Variants in NEURL1 observed in about 807,000 individuals in gnomAD.
The protein encoded by NEURL1 is E3 ubiquitin-protein ligase NEURL1.
NEURL1 carries 26 observed loss-of-function variants against 41.2 expected under a neutral mutation model. That is an observed-to-expected ratio of 0.63 (90% confidence interval 0.46 to 0.87). The LOEUF (loss-of-function observed/expected upper bound fraction) is 0.87, where lower values mean the gene tolerates loss of function less well. Ranked by LOEUF, NEURL1 falls within the 40% of genes least tolerant of loss-of-function variation. The probability of loss-of-function intolerance (pLI) is 0.00; values close to 1 mark genes in which losing one functional copy is unlikely to be tolerated. For synonymous variants in NEURL1, 400 were observed against 402.3 expected (o/e 0.99, Z 0.07); for missense variants, 761 against 871.1 (o/e 0.87, Z 1.59).
At position 103,565,726 on chromosome 10, in the gene NEURL1, G is replaced by A. The variant is rs186071546; in HGVS notation, c.86-5146G>A. Reference sequence around the variant, plus strand: ...GGATAGAGTGCAATGGTGCTCTCACGGCTCCCTGCAACTTTCCAGGCTCAA... The same window carrying A: ...GGATAGAGTGCAATGGTGCTCTCACAGCTCCCTGCAACTTTCCAGGCTCAA... On this transcript the variant is annotated intron_variant, in intron 1 of 5. Coordinates refer to ENST00000369780, the MANE Select transcript of NEURL1 (RefSeq NM_004210.5). Among the ~76,000 whole-genome samples the A allele has an allele frequency of 2.0e-3, 310 of 152,246 alleles. 2 individuals carry two copies. The highest frequency in any genetic ancestry group is 7.7e-3 in the South Asian group (37 of 4,822).
chr10:103,548,759 C>T (rs1443387528), intron 1 of NEURL1, among the ~76,000 whole-genome samples: 1 of 152,202 alleles, frequency 6.6e-6, no homozygotes, highest in South Asian at 2.1e-4. Context: ...TGGATGGAGC[C>T]AGGCAGCGGC....
chr10:103,532,499 A>G (rs1202416907), intron 1 of NEURL1, among the ~76,000 whole-genome samples: 2 of 152,004 alleles, frequency 1.3e-5, no homozygotes, highest in African/African-American at 4.8e-5. Context: ...GGGAAAGACT[A>G]TTTCTCCCTA....
intron 1 of NEURL1, among the ~76,000 whole-genome samples, chr10:103,536,270 G>C (rs374291125): frequency 1.3e-5 from 2 of 152,320 alleles, no homozygotes; most frequent in East Asian, 3.9e-4. Flanking sequence ...TTGACCGGGC[G>C]CTGTGGCTCA....
rs1387471506 is a variant in NEURL1 at position 103,556,266 on chromosome 10, C to T, written c.86-14606C>T. Among the ~76,000 whole-genome samples the T allele has an allele frequency of 2.0e-5, 3 of 152,122 alleles. No homozygotes were observed. Among genetic ancestry groups the T allele is most frequent in the South Asian group, 2.1e-4 (1 of 4,826 alleles). ...ACTGTGGTCTTGGGAGCGCCATGGC[C>T]GATGTGGCAGCAGACCCGGAGAAGC... On this transcript the variant is annotated intron_variant, in intron 1 of 5. Transcript: ENST00000369780. This position sits in a 1 kb window ranked among gnomAD's most constrained non-coding sequence, Gnocchi z 4.4.
intron 1 of NEURL1, among the ~76,000 whole-genome samples, chr10:103,518,605 G>A (rs1041075552): frequency 3.9e-5 from 6 of 152,206 alleles, no homozygotes; most frequent in African/African-American, 1.2e-4. Flanking sequence ...ATGAGTTGGG[G>A]GGTCTGGGGA....
chr10:103,536,623 G>A (rs1458488414), intron 1 of NEURL1, among the ~76,000 whole-genome samples: 1 of 151,990 alleles, frequency 6.6e-6, no homozygotes, highest in Non-Finnish European at 1.5e-5. Flanking sequence ...TTTATGATGG[G>A]GAGGAGCACT....
chr10:103,496,591 C>T (rs1191226203), intron 1 of NEURL1, among the ~76,000 whole-genome samples: 2 of 152,080 alleles, frequency 1.3e-5, no homozygotes, highest in East Asian at 1.9e-4. Flanking sequence ...TTTTTGTAAT[C>T]AGAAATAAGC....
chr10:103,571,556 A>G lies in NEURL1; in HGVS notation c.383A>G (p.Lys128Arg), dbSNP rs776887997. Reference sequence around the variant, plus strand: ...GCCCTGCGGCTGGGCTTCACCAGCAAGGACCCGTCCCGCATCCACCCTGAC... The same window carrying G: ...GCCCTGCGGCTGGGCTTCACCAGCAGGGACCCGTCCCGCATCCACCCTGAC... ...SGALRLGFTS[K>R]DPSRIHPDSL... Residue 128 changes from lysine (K) to arginine (R), a missense_variant, in exon 3 of 6, where the codon AAG becomes AGG. Transcript: ENST00000369780. The G allele has an allele frequency of 6.2e-7, 1 of 1,612,596 alleles. No individual in the cohort carries two copies. Among genetic ancestry groups the G allele is most frequent in the Non-Finnish European group, 8.5e-7 (1 of 1,179,938 alleles).
chr10:103,546,471 C>T (rs2133865834), intron 1 of NEURL1, among the ~76,000 whole-genome samples: 1 of 152,332 alleles, frequency 6.6e-6, no homozygotes, highest in East Asian at 1.9e-4. Context: ...TGTTTCATAG[C>T]TTTTAAGAGC....
rs144199722 is a variant in NEURL1 at position 103,580,562 on chromosome 10, G to A, written c.650-3974G>A. On this transcript the variant is annotated intron_variant, in intron 3 of 5. Coordinates refer to ENST00000369780, the MANE Select transcript of NEURL1 (RefSeq NM_004210.5). ...AGCTCACTCAACTGTGACCTTTGCC[G>A]TCCCTTCTGCGGAGGGTGTTCTAAC... Among the ~76,000 whole-genome samples, 27 of 152,266 alleles carry A rather than the reference G, an allele frequency of 1.8e-4. No homozygotes were observed. In the South Asian group the frequency reaches 3.5e-3, roughly 20 times the overall value.
intron 1 of NEURL1, among the ~76,000 whole-genome samples, chr10:103,543,468 G>A (rs182900160): frequency 7.2e-5 from 11 of 152,314 alleles, no homozygotes; most frequent in African/African-American, 1.4e-4. Context: ...TAAAGAGCCC[G>A]CACCATCGGC....
chr10:103,532,604 TG>T lies in NEURL1; in HGVS notation c.85+38133del, dbSNP rs1170521626. On this transcript the variant is annotated intron_variant, in intron 1 of 5. Coordinates refer to ENST00000369780, the MANE Select transcript of NEURL1 (RefSeq NM_004210.5). ...TGTATCATCCCATTCTCTACTGGCC[TG>T]TAAGGATTCTGTGGAGAAATCTGCT... is the stretch of plus-strand genomic sequence containing the variant. Among the ~76,000 whole-genome samples the T allele has an allele frequency of 7.2e-5, 11 of 152,348 alleles. No individual in the cohort carries two copies. In the South Asian group the frequency reaches 1.0e-3, roughly 14 times the overall value.
At position 103,589,594 on chromosome 10, in the gene NEURL1, GGCAGCCGCCTGTCT is replaced by G; in HGVS notation, c.1422_1435del (p.Ser475ProfsTer13). On this transcript the variant is annotated frameshift_variant, in exon 5 of 6. Transcript: ENST00000369780. LOFTEE classifies it high-confidence loss of function. ...CACGCCAACCTCGCCCAGTGCCCTG[GGCAGCCGCCTGTCT>G]GACCCCTTGCTCAGCACGTGCAGCT... The G allele has an allele frequency of 6.2e-7, 1 of 1,613,972 alleles. No homozygotes were observed. The highest frequency in any genetic ancestry group is 8.5e-7 in the Non-Finnish European group (1 of 1,179,904).
At chr10:103,495,276 C>T (rs764452716) in intron 1 of NEURL1, among the ~76,000 whole-genome samples, 1 of 152,200 alleles carries the variant, frequency 6.6e-6, no homozygotes, top group Non-Finnish European at 1.5e-5. Flanking sequence ...AAATTCCTTC[C>T]GGAAGGTGCT....
At chr10:103,536,918 C>G (rs2034705295) in intron 1 of NEURL1, among the ~76,000 whole-genome samples, 1 of 152,158 alleles carries the variant, frequency 6.6e-6, no homozygotes, top group South Asian at 2.1e-4. Flanking sequence ...ACTAGCTTCC[C>G]ATTTCCCAGT....
intron 4 of NEURL1, chr10:103,589,050 G>C: frequency 2.5e-6 from 1 of 392,910 alleles, no homozygotes; most frequent in Non-Finnish European, 4.9e-6. Flanking sequence ...GCACTGCAGA[G>C]GTGCCATGCA....
chr10:103,555,479 G>GGAGGGGCGCTGGGGCT, intron 1 of NEURL1: 1 of 1,288,460 alleles, frequency 7.8e-7, no homozygotes, highest in East Asian at 5.1e-5. Context: ...GAGGCCGGGC[G>GGAGGGGCGCTGGGGCT]GAGGGGCGCT....
chr10:103,570,641 C>T (rs1173129502), intron 1 of NEURL1, among the ~76,000 whole-genome samples: 3 of 150,644 alleles, frequency 2.0e-5, no homozygotes, highest in Non-Finnish European at 4.4e-5. Context: ...TGGAGAATGC[C>T]GAGGTGAGAA....
intron 1 of NEURL1, among the ~76,000 whole-genome samples, chr10:103,537,377 T>C (rs2034714485): frequency 1.3e-5 from 2 of 152,134 alleles, no homozygotes; most frequent in South Asian, 2.1e-4. Flanking sequence ...AACACTTTTT[T>C]CCCCCTACTC....
Sources: allele counts gnomAD v4.1 joint callset (sites outside exome capture counted in the v4.1 genomes callset), GRCh38; gene constraint gnomAD v4.1.1; non-coding constraint Gnocchi (gnomAD v3.1); transcripts MANE v1.5; gene names NCBI Gene and HGNC (gene_info 2026-07-23, HGNC 2026-07-21).